GRM1: variants seen among roughly 807,000 people sequenced by gnomAD.
GRM1 encodes the protein metabotropic glutamate receptor 1.
GRM1 carries 33 observed loss-of-function variants against 90.9 expected under a neutral mutation model. That is an observed-to-expected ratio of 0.36 (90% CI 0.28 to 0.49). The LOEUF (loss-of-function observed/expected upper bound fraction) is 0.49. GRM1 is among the 20% of genes least tolerant of loss of function. The pLI is 0.99. For synonymous variants in GRM1, 700 were observed against 613.2 expected, an observed-to-expected ratio of 1.14 and a Z score of -2.09; for missense variants, 1,190 against 1,534.3, an observed-to-expected ratio of 0.78 and a Z score of 3.75.
rs140748858 is a variant in GRM1, at chr6:146,065,746, G to A, written c.700+35529G>A. Among the ~76,000 whole-genome samples the A allele has an allele frequency of 2.0e-5, 3 of 152,318 alleles. No homozygotes were observed. The East Asian group carries it at 5.8e-4, about 29-fold the overall frequency. ...ATTGTCCAGATAGGAGAAGGCGGAAGGAATGTTGGGTAAGTACAAGCAACA... is the reference window on the plus strand; with the variant it reads ...ATTGTCCAGATAGGAGAAGGCGGAAAGAATGTTGGGTAAGTACAAGCAACA... On this transcript the variant is annotated intron_variant, in intron 1 of 7. Coordinates refer to ENST00000282753, the MANE Select transcript of GRM1 (RefSeq NM_001278064.2).
chr6:146,407,040 A>G (rs1392925035), intron 7 of GRM1, among the ~76,000 whole-genome samples: 2 of 152,126 alleles, frequency 1.3e-5, no homozygotes, highest in Non-Finnish European at 2.9e-5. Context: ...ATTTCGTTTG[A>G]GGTAAAGTCC....
At chr6:146,385,457 G>A (rs377537358) in intron 5 of GRM1, among the ~76,000 whole-genome samples, 6 of 151,784 alleles carry the variant, frequency 4.0e-5, no homozygotes, top group Admixed American at 2.0e-4. Flanking sequence ...CATACCAAGT[G>A]AAAATGTTAT....
At chr6:146,049,027 A>G (rs1791431669) in intron 1 of GRM1, among the ~76,000 whole-genome samples, 1 of 151,606 alleles carries the variant, frequency 6.6e-6, no homozygotes, top group South Asian at 2.1e-4. Flanking sequence ...AACCTGCTCT[A>G]GGTTTTGGTA....
At chr6:146,208,972 A>T (rs1401097138) in intron 2 of GRM1, among the ~76,000 whole-genome samples, 1 of 152,200 alleles carries the variant, frequency 6.6e-6, no homozygotes, top group Non-Finnish European at 1.5e-5. Context: ...AATATTAATG[A>T]TACATACTAA....
At chr6:146,225,240 C>G (rs1487837566) in intron 2 of GRM1, among the ~76,000 whole-genome samples, 2 of 152,090 alleles carry the variant, frequency 1.3e-5, no homozygotes, top group Non-Finnish European at 2.9e-5. Flanking sequence ...AGCTTTTTAC[C>G]TATGAGATGT....
chr6:146,389,869 C>T (rs1056800497), intron 6 of GRM1, among the ~76,000 whole-genome samples: 3 of 152,150 alleles, frequency 2.0e-5, no homozygotes, highest in South Asian at 2.1e-4. Flanking sequence ...CTTTTGGTCT[C>T]TTACAGGAAA....
intron 2 of GRM1, among the ~76,000 whole-genome samples, chr6:146,240,770 A>G (rs988676559): frequency 2.6e-5 from 4 of 152,288 alleles, no homozygotes; most frequent in African/African-American, 9.6e-5. Context: ...TCTTTACAAC[A>G]CGTTTTCCTT....
chr6:146,275,257 G>C (rs1409240118), intron 2 of GRM1, among the ~76,000 whole-genome samples: 2 of 152,130 alleles, frequency 1.3e-5, no homozygotes, highest in Non-Finnish European at 2.9e-5. Context: ...AATTGCAGTA[G>C]GCAGGGCACA....
intron 7 of GRM1, among the ~76,000 whole-genome samples, chr6:146,415,604 C>T (rs1054692621): frequency 4.6e-5 from 7 of 152,194 alleles, no homozygotes; most frequent in Non-Finnish European, 1.5e-5. Context: ...GACCTGATTA[C>T]TGAAACTTTA....
At chr6:146,179,959 C>G (rs551544875) in intron 2 of GRM1, among the ~76,000 whole-genome samples, 1 of 151,976 alleles carries the variant, frequency 6.6e-6, no homozygotes, top group African/African-American at 2.4e-5. Flanking sequence ...CTGGGCAACA[C>G]AGGGATACTT....
intron 1 of GRM1, among the ~76,000 whole-genome samples, chr6:146,153,476 A>G (rs1300673319): frequency 6.6e-6 from 1 of 152,174 alleles, no homozygotes; most frequent in African/African-American, 2.4e-5. Flanking sequence ...ATTTATATGT[A>G]AGTTTGGAGC....
intron 2 of GRM1, among the ~76,000 whole-genome samples, chr6:146,228,797 T>C (rs1041956786): frequency 6.6e-6 from 1 of 152,194 alleles, no homozygotes; most frequent in African/African-American, 2.4e-5. Flanking sequence ...CTGTAGCTTC[T>C]CCAATTTTAT....
intron 2 of GRM1, among the ~76,000 whole-genome samples, chr6:146,222,001 C>A (rs527888239): frequency 9.2e-5 from 14 of 152,030 alleles, no homozygotes; most frequent in Non-Finnish European, 2.1e-4. Context: ...TCAGATTTGG[C>A]CCACAGACTC....
chr6:146,161,964 G>C (rs2128891892), intron 2 of GRM1, among the ~76,000 whole-genome samples: 1 of 152,150 alleles, frequency 6.6e-6, no homozygotes, highest in South Asian at 2.1e-4. Flanking sequence ...CTCTTTATCG[G>C]GGATGGATTC....
chr6:146,075,732 T>C (rs924495311), intron 1 of GRM1, among the ~76,000 whole-genome samples: 6 of 152,138 alleles, frequency 3.9e-5, no homozygotes, highest in Non-Finnish European at 8.8e-5. Context: ...TAGGAGAGAA[T>C]CCTTCCTTTT....
chr6:146,401,726 T>G (rs1777166945), intron 7 of GRM1, among the ~76,000 whole-genome samples: 1 of 152,220 alleles, frequency 6.6e-6, no homozygotes, highest in Non-Finnish European at 1.5e-5. Context: ...CTTCTAACCA[T>G]TTATGGTAAA....
intron 3 of GRM1, among the ~76,000 whole-genome samples, chr6:146,336,806 GC>G (rs1237528239): frequency 6.6e-6 from 1 of 152,170 alleles, no homozygotes; most frequent in Non-Finnish European, 1.5e-5. Flanking sequence ...ATATTTTTGT[GC>G]CTGAGTCCCT....
intron 1 of GRM1, among the ~76,000 whole-genome samples, chr6:146,059,176 CTATAGCTTCATGAAATGCATTTCTTAAA>C (rs1378444470): frequency 2.0e-4 from 31 of 152,138 alleles, no homozygotes; most frequent in Admixed American, 1.8e-3. Context: ...TCTATGGCAG[CTATAGCTTCATGAAATGCATTTCTTAAA>C]TAAGACTTGA....
chr6:146,194,119 T>A (rs1426111900), intron 2 of GRM1, among the ~76,000 whole-genome samples: 1 of 152,166 alleles, frequency 6.6e-6, no homozygotes, highest in Non-Finnish European at 1.5e-5. Context: ...AATTTGCATA[T>A]CTCTCATTAC....
Sources: gnomAD v4.1 joint callset for allele counts (sites outside exome capture counted in the v4.1 genomes callset) on GRCh38, gnomAD v4.1.1 for gene constraint, MANE v1.5 for transcripts, NCBI Gene and HGNC (gene_info 2026-07-23, HGNC 2026-07-21) for gene names.